Variants in KIAA0232 observed in about 807,000 individuals in gnomAD.
KIAA0232 encodes the protein uncharacterized protein KIAA0232.
In KIAA0232, 27 loss-of-function variants were observed where a neutral mutation model predicts 122.0. That is an observed-to-expected ratio of 0.22 (90% confidence interval 0.16 to 0.31). The LOEUF (loss-of-function observed/expected upper bound fraction) is 0.31, where lower values mean the gene tolerates loss of function less well. Ranked by LOEUF, KIAA0232 falls within the 10% of genes least tolerant of loss-of-function variation. The pLI, the probability that KIAA0232 is intolerant of heterozygous loss-of-function variation, is 1.00. For missense variants in KIAA0232, 1,551 were observed against 1,634.2 expected (o/e 0.95, Z 0.88); for synonymous variants, 613 against 587.6 (o/e 1.04, Z -0.63).
chr4:6,847,513 G>T (rs1418991422), intron 4 of KIAA0232, among the ~76,000 whole-genome samples: 1 of 152,180 alleles, frequency 6.6e-6, no homozygotes, highest in Non-Finnish European at 1.5e-5. Flanking sequence ...GTAAAAGTTG[G>T]CAGAGCAGTT....
At chr4:6,836,945 T>C (rs1230344502) in intron 3 of KIAA0232, among the ~76,000 whole-genome samples, 1 of 152,264 alleles carries the variant, frequency 6.6e-6, no homozygotes, top group Admixed American at 6.5e-5. Flanking sequence ...TGTCTATTTC[T>C]TTCCACACAG....
intron 9 of KIAA0232, among the ~76,000 whole-genome samples, 195 bp from the exon 10 acceptor site, chr4:6,880,592 A>G (rs935028746): frequency 7.2e-5 from 11 of 152,242 alleles, no homozygotes; most frequent in African/African-American, 2.7e-4. Flanking sequence ...GAACATGTGG[A>G]ATTAGGATTT....
rs111512347 is a variant in KIAA0232, at chr4:6,828,047, A to G, written c.231+3363A>G. On this transcript the variant is annotated intron_variant, in intron 3 of 9. Transcript: ENST00000307659. ...TTTCTGATAATTTCTGATGAAAGCA[A>G]TGTCTTCTACCAAACTTGGTAATAT... 5.5e-3 allele frequency among the ~76,000 whole-genome samples: 834 copies of G among 152,288 alleles called. 2 individuals carry two copies. The highest frequency in any genetic ancestry group is 0.019 in the African/African-American group (781 of 41,568).
chr4:6,812,068 G>A (rs1295554563), intron 2 of KIAA0232, among the ~76,000 whole-genome samples: 1 of 152,044 alleles, frequency 6.6e-6, no homozygotes, highest in East Asian at 1.9e-4. Flanking sequence ...TTCTTTCTGG[G>A]CACATTGTGT....
At chr4:6,821,505 A>G (rs1718421119) in intron 2 of KIAA0232, among the ~76,000 whole-genome samples, 1 of 152,134 alleles carries the variant, frequency 6.6e-6, no homozygotes, top group African/African-American at 2.4e-5. Context: ...TACTTCACTT[A>G]GAATAATGGT....
intron 2 of KIAA0232, among the ~76,000 whole-genome samples, chr4:6,814,046 T>A (rs936549524): frequency 3.3e-5 from 5 of 152,144 alleles, no homozygotes; most frequent in African/African-American, 1.2e-4. Flanking sequence ...TCCTAAGGTC[T>A]TTAAAAGGGC....
At chr4:6,854,987 C>G (rs1055124357) in intron 4 of KIAA0232, among the ~76,000 whole-genome samples, 9 of 152,182 alleles carry the variant, frequency 5.9e-5, no homozygotes, top group African/African-American at 2.2e-4. Context: ...TGCCAGGAGA[C>G]AACAAAGGGT....
At chr4:6,786,678 A>C (rs2108851005) in intron 1 of KIAA0232, among the ~76,000 whole-genome samples, 1 of 152,334 alleles carries the variant, frequency 6.6e-6, no homozygotes, top group South Asian at 2.1e-4. Context: ...TATGTTGAAT[A>C]TAGTTACTAT....
At chr4:6,844,816 C>G (rs1311952183) in intron 4 of KIAA0232, among the ~76,000 whole-genome samples, 2 of 152,160 alleles carry the variant, frequency 1.3e-5, no homozygotes, top group African/African-American at 4.8e-5. Flanking sequence ...ATACAGCTAT[C>G]TTAGGCACCA....
At chr4:6,837,106 C>G (rs528985209) in intron 3 of KIAA0232, among the ~76,000 whole-genome samples, 1 of 150,606 alleles carries the variant, frequency 6.6e-6, no homozygotes, top group African/African-American at 2.4e-5. Context: ...GCCCCCACCT[C>G]CCAGACGGGG....
At chr4:6,813,944 G>T (rs1717996665) in intron 2 of KIAA0232, among the ~76,000 whole-genome samples, 1 of 152,046 alleles carries the variant, frequency 6.6e-6, no homozygotes, top group Admixed American at 6.6e-5. Flanking sequence ...CTGCCGGGCA[G>T]CACAGAGCAA....
chr4:6,861,158 T>G lies in KIAA0232; in HGVS notation c.776T>G (p.Phe259Cys). The stretch of plus-strand genomic sequence containing the variant: ...AGCAAAAACGAGAAGGAAAACAAAT[T>G]TAGTAATGGCACAATTGAAGAAAAG... The part of the protein sequence containing the change: ...SKSKNEKENK[F>C]SNGTIEEKPA... The change falls in exon 7 of 10, where the codon TTT (phenylalanine) becomes TGT (cysteine). Residue 259 changes from phenylalanine (F) to cysteine (C), a missense_variant. By Grantham distance (205) the Phe-to-Cys change is radical. Coordinates refer to ENST00000307659, the MANE Select transcript of KIAA0232 (RefSeq NM_014743.3). The G allele has an allele frequency of 6.2e-7, 1 of 1,613,980 alleles. No homozygotes were observed. The highest frequency in any genetic ancestry group is 8.5e-7 in the Non-Finnish European group (1 of 1,180,030).
chr4:6,866,689 T>C (rs568943517), intron 7 of KIAA0232, among the ~76,000 whole-genome samples: 9 of 152,336 alleles, frequency 5.9e-5, no homozygotes, highest in African/African-American at 2.2e-4. Flanking sequence ...GGATTTCCGA[T>C]AGAACTGGTG....
chr4:6,878,370 A>ATCAT (rs1375552812), intron 9 of KIAA0232, among the ~76,000 whole-genome samples: 169 of 86,998 alleles, frequency 1.9e-3, no homozygotes, highest in African/African-American at 6.6e-3. Flanking sequence ...GCAAAACTCC[A>ATCAT]TCATTCATTC....
chr4:6,859,133 A>G (rs905036335), intron 6 of KIAA0232, among the ~76,000 whole-genome samples: 1 of 151,772 alleles, frequency 6.6e-6, no homozygotes, highest in Non-Finnish European at 1.5e-5. Flanking sequence ...ACAAGAAAGA[A>G]AAGAAATGAT....
intron 1 of KIAA0232, among the ~76,000 whole-genome samples, chr4:6,799,408 C>T (rs1485151177): frequency 3.3e-5 from 5 of 151,390 alleles, no homozygotes; most frequent in Admixed American, 3.3e-4. Context: ...GGAAACAGTT[C>T]AGTCCACAGC....
At chr4:6,837,286 G>C (rs937363805) in intron 3 of KIAA0232, among the ~76,000 whole-genome samples, 2 of 151,840 alleles carry the variant, frequency 1.3e-5, no homozygotes, top group African/African-American at 4.8e-5. Flanking sequence ...TGGCGGCGGG[G>C]CAGAGACGCT....
chr4:6,821,238 T>G (rs1409685246), intron 2 of KIAA0232, among the ~76,000 whole-genome samples: 39 of 152,190 alleles, frequency 2.6e-4, no homozygotes, highest in Admixed American at 2.2e-3. Context: ...ATTTTTTATT[T>G]CCATAGGTTT....
chr4:6,861,297 A>G lies in KIAA0232; in HGVS notation c.915A>G (p.Glu305=). Residue 305 remains glutamate, a synonymous_variant, in exon 7 of 10, where the codon GAA becomes GAG. Coordinates refer to ENST00000307659, the MANE Select transcript of KIAA0232 (RefSeq NM_014743.3). ...AGSSSSGNQG[E]LKASMKYVKV... ...CAAGTTCCAGTGGGAATCAGGGAGA[A>G]TTAAAAGCATCCATGAAGTATGTTA... 6.2e-7 allele frequency: 1 copy of G among 1,614,188 alleles called. No homozygotes were observed. Among genetic ancestry groups the G allele is most frequent in the Non-Finnish European group, 8.5e-7 (1 of 1,180,042 alleles).
Sources: gnomAD v4.1 joint callset for allele counts (sites outside exome capture counted in the v4.1 genomes callset) on GRCh38, gnomAD v4.1.1 for gene constraint, MANE v1.5 for transcripts, NCBI Gene and HGNC (gene_info 2026-07-23, HGNC 2026-07-21) for gene names.